Variants in MYBBP1A observed in about 807,000 individuals in gnomAD.
The protein encoded by MYBBP1A is MYB binding protein 1a.
MYBBP1A carries 147 observed loss-of-function variants against 136.3 expected under a neutral mutation model. That is an observed-to-expected ratio of 1.08 (90% CI 0.94 to 1.24). The LOEUF (loss-of-function observed/expected upper bound fraction) is 1.24, where lower values mean the gene tolerates loss of function less well. Among genes scored for constraint, MYBBP1A ranks in the 50% most tolerant of loss-of-function variants. The pLI is 0.00. For synonymous variants in MYBBP1A, 947 were observed against 735.8 expected (o/e 1.29, Z -4.65); for missense variants, 2,060 against 1,727.4 (o/e 1.19, Z -3.41).
rs886110792 is a variant in MYBBP1A, at chr17:4,546,031, G to C, written c.1825-89C>G. The C allele has an allele frequency of 4.1e-6, 5 of 1,209,342 alleles. No homozygotes were observed. The African/African-American group carries it at 7.5e-5, about 18-fold the overall frequency. 74.9% of individuals were successfully genotyped at this position (1,209,342 alleles called of 1,614,324 possible). ...AGGGGCTGGCCAAATGGCAGCAGTG[G>C]CATCAAGAAGCCTCCAACACCCAGC... is the stretch of plus-strand genomic sequence containing the variant. On this transcript the variant is annotated intron_variant, in intron 13 of 25. Coordinates refer to ENST00000254718, the MANE Select transcript of MYBBP1A (RefSeq NM_014520.4).
chr17:4,539,412 T>TGA lies in MYBBP1A; in HGVS notation c.*2_*3insTC. 6.2e-7 allele frequency: 1 copy of TGA among 1,605,470 alleles called. No homozygotes were observed. Among genetic ancestry groups the TGA allele is most frequent in the Middle Eastern group, 1.7e-4 (1 of 6,006 alleles). On this transcript the variant is annotated 3_prime_UTR_variant, in exon 26 of 26. Transcript: ENST00000254718. ...AGGGGCTGAGGGGGGCCCGTACCTG[T>TGA]GCTCAGGGCTTCCCTGCCTTCCTCA...
In MYBBP1A at chr17:4,549,329, C is replaced by T. The variant is rs767471260; in HGVS notation, c.1430+3G>A. On this transcript the variant is annotated splice_donor_region_variant and intron_variant, in intron 10 of 25. Transcript: ENST00000254718. ...GAAGCTGGGAATCCAGCACAGCTCG[C>T]ACCTGGCCACCTGCTCAGTCAAGGC... The T allele has an allele frequency of 5.8e-5, 94 of 1,610,076 alleles. 2 individuals carry two copies. In the South Asian group the frequency reaches 9.5e-4, roughly 16 times the overall value.
Position 4,542,761 on chromosome 17 carries a change from G to A in MYBBP1A, c.2893-20C>T, listed in dbSNP as rs199646994. On this transcript the variant is annotated intron_variant, in intron 20 of 25. Coordinates refer to ENST00000254718, the MANE Select transcript of MYBBP1A (RefSeq NM_014520.4). ...GGCAGCCTAGGCCAGGGGAGAGCGA[G>A]CTGGGTGAGGCCAGGAGAGGGGTCC... 6.2e-7 allele frequency: 1 copy of A among 1,612,560 alleles called. No individual in the cohort carries two copies. Among genetic ancestry groups the A allele is most frequent in the Non-Finnish European group, 8.5e-7 (1 of 1,179,098 alleles).
chr17:4,547,229 G>A (rs1031687540), intron 13 of MYBBP1A, among the ~76,000 whole-genome samples: 1 of 152,070 alleles, frequency 6.6e-6, no homozygotes, highest in Non-Finnish European at 1.5e-5. Context: ...TTTATCTAAG[G>A]CTCTGACACA....
At chr17:4,549,973 G>A in intron 9 of MYBBP1A, 85 bp downstream of exon 9, 1 of 1,442,014 alleles carries the variant, frequency 6.9e-7, no homozygotes. Context: ...CCAGGACGCT[G>A]TGGAGGGCGG....
intron 17 of MYBBP1A, 30 bp downstream of exon 17, chr17:4,544,996 G>GCCCCCCCCCCCCC: frequency 2.9e-6 from 2 of 697,890 alleles, no homozygotes; most frequent in Non-Finnish European, 2.0e-6. Flanking sequence ...GCCCTCCCCG[G>GCCCCCCCCCCCCC]CCGCCCCCCC....
Position 4,554,966 on chromosome 17 carries a change from C to A in MYBBP1A, c.199-10G>T, listed in dbSNP as rs1210939571. 1 of 1,613,308 alleles carries A rather than the reference C, an allele frequency of 6.2e-7. No individual in the cohort carries two copies. The highest frequency in any genetic ancestry group is 2.2e-5 in the East Asian group (1 of 44,868). On this transcript the variant is annotated splice_polypyrimidine_tract_variant and intron_variant, in intron 1 of 25. Transcript: ENST00000254718. ...ATTTCATCTCGGACCCCTGCGGAACCAAGCACACCCTCGTGTTCAATGGTG... is the reference window on the plus strand; with the variant it reads ...ATTTCATCTCGGACCCCTGCGGAACAAAGCACACCCTCGTGTTCAATGGTG...
At chr17:4,554,651 G>C (rs1462666377) in intron 2 of MYBBP1A, among the ~76,000 whole-genome samples, 2 of 152,170 alleles carry the variant, frequency 1.3e-5, no homozygotes, top group African/African-American at 2.4e-5. Flanking sequence ...GGCAACCCAA[G>C]CACCAAATAG....
rs1422357497 is a variant in MYBBP1A, at chr17:4,555,167, G to A, written c.158C>T (p.Ala53Val). ...AKPEQETRLA[A>V]TEKLLEYLRG... ...CAGATACTCCAGCAGCTTCTCCGTG[G>A]CCGCAAGTCGCGTCTCCTGCTCAGG... is the stretch of plus-strand genomic sequence containing the variant. The change falls in exon 1 of 26, where the codon GCC becomes GTC. Residue 53 changes from alanine to valine, a missense_variant. By Grantham distance (64) the Ala-to-Val change is moderately conservative. Coordinates refer to ENST00000254718, the MANE Select transcript of MYBBP1A (RefSeq NM_014520.4). 1.9e-6 allele frequency: 3 copies of A among 1,602,844 alleles called. No individual in the cohort carries two copies. Among genetic ancestry groups the A allele is most frequent in the Admixed American group, 3.4e-5 (2 of 58,764 alleles).
chr17:4,545,643 G>T lies in MYBBP1A; in HGVS notation c.2040C>A (p.His680Gln), dbSNP rs140334799. Residue 680 changes from histidine to glutamine, a missense_variant, in exon 15 of 26, where the codon CAC (histidine) becomes CAA (glutamine). By Grantham distance (24) the His-to-Gln change is conservative. Coordinates refer to ENST00000254718, the MANE Select transcript of MYBBP1A (RefSeq NM_014520.4). ...TTAGCTGCAGGGCACGCGGGGTCAG[G>T]TGGGAGCAGATGTGGCCAAACACGC... ...ARSVFGHICS[H>Q]LTPRALQLIL... 307 of 1,607,288 alleles carry T rather than the reference G, an allele frequency of 1.9e-4. 1 individual carries two copies. Among genetic ancestry groups the T allele is most frequent in the Non-Finnish European group, 2.4e-4 (284 of 1,175,152 alleles).
rs1389334593 is a variant in MYBBP1A at position 4,548,340 on chromosome 17, A to G, written c.1557-30T>C. On this transcript the variant is annotated intron_variant, in intron 11 of 25. Coordinates refer to ENST00000254718, the MANE Select transcript of MYBBP1A (RefSeq NM_014520.4). The surrounding 1 kb of genome is among the most constrained non-coding windows in gnomAD (Gnocchi z 4.2). ...GCAAGGGATGGGGCTTGGGGTCAGC[A>G]GACCAGATGAGTCAATGTAGCCGCC... 1 of 1,608,430 alleles carries G rather than the reference A, an allele frequency of 6.2e-7. No homozygotes were observed. The highest frequency in any genetic ancestry group is 1.7e-5 in the Admixed American group (1 of 59,952).
rs1472445959 is a variant in MYBBP1A at position 4,545,694 on chromosome 17, G to A, written c.1989C>T (p.Ser663=). The A allele has an allele frequency of 1.9e-6, 3 of 1,610,956 alleles. No individual in the cohort carries two copies. In the African/African-American group the frequency reaches 4.0e-5, roughly 22 times the overall value. Residue 663 remains serine (S), a synonymous_variant, in exon 15 of 26, where the codon AGC becomes AGT. Transcript: ENST00000254718. ...TCCGGGCCACCTGGCGCATGAGGTG[G>A]CTGGGCTGGGCCAACAGGGCCAGCA... ...EILLALLAQP[S]HLMRQVARSV...
rs565454228 is a variant in MYBBP1A, at chr17:4,552,234, C to A, written c.796G>T (p.Ala266Ser). The change falls in exon 7 of 26, where the codon GCC (alanine) becomes TCC (serine). Residue 266 changes from alanine to serine, a missense_variant. By Grantham distance (99) the Ala-to-Ser change is moderately conservative (BLOSUM62 1). Coordinates refer to ENST00000254718, the MANE Select transcript of MYBBP1A (RefSeq NM_014520.4). The surrounding 1 kb of genome is among the most constrained non-coding windows in gnomAD (Gnocchi z 4.7). ...SSVKKDRKLP[A>S]IALDLLRLAL... ...AGGCGGAGCAGGTCCAGAGCAATGG[C>A]GGGCAGCTTGCGGTCCTTCTTCACA... 6.2e-7 allele frequency: 1 copy of A among 1,614,178 alleles called. No individual in the cohort carries two copies. Among genetic ancestry groups the A allele is most frequent in the African/African-American group, 1.3e-5 (1 of 75,058 alleles).
rs1308027962 is a variant in MYBBP1A at position 4,545,760 on chromosome 17, G to A, written c.1923C>T (p.Asp641=). 2 of 1,605,874 alleles carry A rather than the reference G, an allele frequency of 1.2e-6. No homozygotes were observed. Among genetic ancestry groups the A allele is most frequent in the Admixed American group, 1.7e-5 (1 of 59,524 alleles). Residue 641 remains aspartate, a splice_region_variant and synonymous_variant, in exon 15 of 26, where the codon GAC becomes GAT. Coordinates refer to ENST00000254718, the MANE Select transcript of MYBBP1A (RefSeq NM_014520.4). ...CCTCTACCCACGGGGGTTCCTGGGG[G>A]TCTGCAAGAGGGAGGGGTTGAGCCC... The part of the protein sequence containing the change: ...KPRRSRTKTI[D]PQEPPWVEVL...
chr17:4,544,689 C>G, intron 18 of MYBBP1A, 43 bp from the exon 19 acceptor site: 1 of 1,373,176 alleles, frequency 7.3e-7, no homozygotes, highest in Non-Finnish European at 9.5e-7. Context: ...GGTGGGCGCA[C>G]AGGGAGGCGG....
chr17:4,543,174 G>C lies in MYBBP1A; in HGVS notation c.2640-9C>G. On this transcript the variant is annotated splice_polypyrimidine_tract_variant and intron_variant, in intron 19 of 25. Transcript: ENST00000254718. ...CACGGCACAGGTGGTGCCTGTGGGT[G>C]GTGAGGACGAGAGCTGGTCAGAACA... is the stretch of plus-strand genomic sequence containing the variant. The C allele has an allele frequency of 1.3e-6, 2 of 1,597,444 alleles. No homozygotes were observed. The highest frequency in any genetic ancestry group is 1.7e-6 in the Non-Finnish European group (2 of 1,173,008).
At position 4,541,806 on chromosome 17, in the gene MYBBP1A, T is replaced by C. The variant is rs1418053637; in HGVS notation, c.3173A>G (p.Gln1058Arg). Reference protein sequence around the residue: ...EDPEWKQLMGQVLAKVTENLR... With the variant: ...EDPEWKQLMGRVLAKVTENLR... ...TACCTCGGTGACCTTTGCTAGGACCTGGCCCATCAGCTGCTTCCACTCGGG... is the reference window on the plus strand; with the variant it reads ...TACCTCGGTGACCTTTGCTAGGACCCGGCCCATCAGCTGCTTCCACTCGGG... The change falls in exon 23 of 26, where the codon CAG becomes CGG. Residue 1058 changes from glutamine to arginine, a missense_variant. By Grantham distance (43) the Gln-to-Arg change is conservative. Transcript: ENST00000254718. 6.2e-7 allele frequency: 1 copy of C among 1,614,022 alleles called. No homozygotes were observed. Among genetic ancestry groups the C allele is most frequent in the East Asian group, 2.2e-5 (1 of 44,904 alleles).
intron 13 of MYBBP1A, chr17:4,547,644 C>A: frequency 3.3e-6 from 1 of 305,312 alleles, no homozygotes; most frequent in Non-Finnish European, 6.0e-6. Flanking sequence ...GGTGTTCCCA[C>A]AGCAGGGGGT....
chr17:4,553,986 C>A lies in MYBBP1A; in HGVS notation c.453+33G>T, dbSNP rs370871554. 452 of 1,613,930 alleles carry A rather than the reference C, an allele frequency of 2.8e-4. 7 individuals carry two copies. The Middle Eastern group carries it at 0.011, about 39-fold the overall frequency. On this transcript the variant is annotated intron_variant, in intron 4 of 25. Transcript: ENST00000254718. ...CTGTCCCCCACCCATCCCAAGCCAG[C>A]CTACATTCCCCCAGTCCCTCCAAAG...
Sources: allele counts gnomAD v4.1 joint callset (sites outside exome capture counted in the v4.1 genomes callset), GRCh38; gene constraint gnomAD v4.1.1; non-coding constraint Gnocchi (gnomAD v3.1); transcripts MANE v1.5; gene names NCBI Gene and HGNC (gene_info 2026-07-23, HGNC 2026-07-21).